The following MMP10 variants were observed in gnomAD, a reference collection of about 807,000 sequenced individuals.
MMP10 encodes matrix metallopeptidase 10, also known as stromelysin-2.
MMP10 carries 50 observed loss-of-function variants against 49.1 expected under a neutral mutation model. That is an observed-to-expected ratio of 1.02 (90% CI 0.81 to 1.29). MMP10 has a LOEUF of 1.29. MMP10 is among the 50% of genes most tolerant of loss of function. The pLI, the probability that MMP10 is intolerant of heterozygous loss-of-function variation, is 0.00. For missense variants in MMP10, 613 were observed against 563.8 expected, an observed-to-expected ratio of 1.09 and a Z score of -0.88; for synonymous variants, 229 against 201.6, an observed-to-expected ratio of 1.14 and a Z score of -1.15.
rs757844588 is a variant in MMP10, at chr11:102,775,369, T to C, written c.933-48A>G. Reference sequence around the variant, plus strand: ...CAATTGTCTTTCTCTTTTAGATATGTGAAAAAAAAATTCTTTTTTTTTAAA... The same window carrying C: ...CAATTGTCTTTCTCTTTTAGATATGCGAAAAAAAAATTCTTTTTTTTTAAA... On this transcript the variant is annotated intron_variant, in intron 6 of 9. Transcript: ENST00000279441. The C allele has an allele frequency of 6.0e-6, 9 of 1,499,114 alleles. No homozygotes were observed. The Admixed American group carries it at 1.8e-4, about 31-fold the overall frequency. The allele number at this position is 1,499,114 out of a possible 1,614,324, so 92.9% of individuals were successfully genotyped here. A position where few individuals can be genotyped will look rare whatever the true frequency, so the allele number is the denominator to read the frequency against.
chr11:102,777,811 A>T (rs1390320565), intron 4 of MMP10, among the ~76,000 whole-genome samples: 1 of 152,112 alleles, frequency 6.6e-6, no homozygotes, highest in Non-Finnish European at 1.5e-5. Context: ...CATGCAACAC[A>T]AACTTCAGTC....
chr11:102,772,182 G>T lies in MMP10; in HGVS notation c.1227-67C>A. Reference sequence around the variant, plus strand: ...GTCCCATTACACACAATAGTATAATGTGATGTTAATTTTCCAGTGTGGAAT... The same window carrying T: ...GTCCCATTACACACAATAGTATAATTTGATGTTAATTTTCCAGTGTGGAAT... On this transcript the variant is annotated intron_variant, in intron 8 of 9. Coordinates refer to ENST00000279441, the MANE Select transcript of MMP10 (RefSeq NM_002425.3). The surrounding 1 kb of genome is among the most constrained non-coding windows in gnomAD (Gnocchi z 4.4). 1 of 979,700 alleles carries T rather than the reference G, an allele frequency of 1.0e-6. No individual in the cohort carries two copies. The highest frequency in any genetic ancestry group is 1.5e-6 in the Non-Finnish European group (1 of 648,254). 60.7% of individuals were successfully genotyped at this position (979,700 alleles called of 1,614,324 possible).
At chr11:102,771,944 C>G (rs1485202231) in intron 9 of MMP10, 68 bp downstream of exon 9, 1 of 975,324 alleles carries the variant, frequency 1.0e-6, no homozygotes, top group Non-Finnish European at 1.6e-6. Context: ...TTTGATTCTG[C>G]ACTTTATTTT....
In MMP10 at chr11:102,779,329, T is replaced by G. The variant is rs202049265; in HGVS notation, c.380A>C (p.Asp127Ala). 1 of 1,614,134 alleles carries G rather than the reference T, an allele frequency of 6.2e-7. No individual in the cohort carries two copies. Among genetic ancestry groups the G allele is most frequent in the Admixed American group, 1.7e-5 (1 of 60,016 alleles). The change falls in exon 3 of 10, where the codon GAT becomes GCT. Residue 127 changes from aspartate to alanine, a missense_variant. Coordinates refer to ENST00000279441, the MANE Select transcript of MMP10 (RefSeq NM_002425.3). ...IVNYTPDLPRDAVDSAIEKAL... is the reference protein window; with the variant it reads ...IVNYTPDLPRAAVDSAIEKAL... The stretch of plus-strand genomic sequence containing the variant: ...TTTCTCAATGGCAGAATCAACAGCA[T>G]CTCTTGGCAAATCTGGTGTATAATT...
Position 102,779,461 on chromosome 11 carries a change from T to C in MMP10, c.347+43A>G, listed in dbSNP as rs181703993. ...ACTTATCCAAATATGACGAGTAACTTATAAGGTTTCAATATTATGTGAAAA... is the reference window on the plus strand; with the variant it reads ...ACTTATCCAAATATGACGAGTAACTCATAAGGTTTCAATATTATGTGAAAA... On this transcript the variant is annotated intron_variant, in intron 2 of 9. Coordinates refer to ENST00000279441, the MANE Select transcript of MMP10 (RefSeq NM_002425.3). 312 of 1,611,126 alleles carry C rather than the reference T, an allele frequency of 1.9e-4. 2 individuals are homozygous for C. The African/African-American group carries it at 3.5e-3, about 18-fold the overall frequency.
chr11:102,771,991 A>G (rs757089679), intron 9 of MMP10, 21 bp downstream of exon 9: 10 of 1,464,510 alleles, frequency 6.8e-6, no homozygotes, highest in Non-Finnish European at 9.5e-6. Context: ...CTGCATGACA[A>G]TGAAATAAGG....
At chr11:102,779,149 G>A (rs1857786816) in intron 3 of MMP10, 64 bp downstream of exon 3, 1 of 1,576,096 alleles carries the variant, frequency 6.3e-7, no homozygotes, top group Non-Finnish European at 8.6e-7. Context: ...CCAGTCTAAG[G>A]TAACTTGCTA....
At chr11:102,779,385 A>G in intron 2 of MMP10, 24 bp from the exon 3 acceptor site, 2 of 1,612,244 alleles carry the variant, frequency 1.2e-6, no homozygotes, top group Non-Finnish European at 8.5e-7. Context: ...ATTGAAGAGG[A>G]TGTTATTTTC....
chr11:102,770,512 G>T lies in MMP10; in HGVS notation c.*281C>A. The T allele has an allele frequency of 6.6e-6, 2 of 301,154 alleles. No individual in the cohort carries two copies. Among genetic ancestry groups the T allele is most frequent in the Admixed American group, 1.0e-4 (2 of 19,992 alleles). 18.7% of individuals were successfully genotyped at this position (301,154 alleles called of 1,614,324 possible). ...AATTGTTCTAGAAAGTAAGGAACAGGCCCAAAATAAAACTTTTTATTGAGG... is the reference window on the plus strand; with the variant it reads ...AATTGTTCTAGAAAGTAAGGAACAGTCCCAAAATAAAACTTTTTATTGAGG... On this transcript the variant is annotated 3_prime_UTR_variant, in exon 10 of 10. Coordinates refer to ENST00000279441, the MANE Select transcript of MMP10 (RefSeq NM_002425.3).
intron 7 of MMP10, among the ~76,000 whole-genome samples, chr11:102,774,878 T>C (rs1490109576): frequency 6.6e-6 from 1 of 152,200 alleles, no homozygotes; most frequent in East Asian, 1.9e-4. Flanking sequence ...GCCATATAAA[T>C]TGTAAAACTA....
At chr11:102,770,915 A>C (rs1861969740) in intron 9 of MMP10, 22 bp from the exon 10 acceptor site, 1 of 1,449,514 alleles carries the variant, frequency 6.9e-7, no homozygotes, top group East Asian at 2.3e-5. Context: ...GATAAGGAAA[A>C]TGATGAGACA....
chr11:102,771,561 A>T (rs1459001722), intron 9 of MMP10, among the ~76,000 whole-genome samples: 2 of 152,198 alleles, frequency 1.3e-5, no homozygotes, highest in Non-Finnish European at 2.9e-5. Context: ...TATTTTATTT[A>T]CAAATGACTA....
chr11:102,779,894 A>G, intron 1 of MMP10, 149 bp from the exon 2 acceptor site: 1 of 912,654 alleles, frequency 1.1e-6, no homozygotes, highest in Admixed American at 3.1e-5. Context: ...CCCATTTCAT[A>G]CAAATTTTTA....
At chr11:102,771,204 G>T (rs17861006) in intron 9 of MMP10, among the ~76,000 whole-genome samples, 2 of 152,106 alleles carry the variant, frequency 1.3e-5, no homozygotes, top group Non-Finnish European at 2.9e-5. Flanking sequence ...AAAACATTAC[G>T]TCATACTGGT....
intron 9 of MMP10, 53 bp from the exon 10 acceptor site, chr11:102,770,946 C>A (rs1205362294): frequency 4.2e-6 from 5 of 1,187,102 alleles, no homozygotes; most frequent in Non-Finnish European, 6.2e-6. Context: ...TGTCATTTTG[C>A]AACACATATA....
rs768515354 is a variant in MMP10 at position 102,779,227 on chromosome 11, G to T, written c.482C>A (p.Ser161Tyr). 1 of 1,613,196 alleles carries T rather than the reference G, an allele frequency of 6.2e-7. No homozygotes were observed. Among genetic ancestry groups the T allele is most frequent in the Admixed American group, 1.7e-5 (1 of 59,996 alleles). ...LYEGEADIMI[S>Y]FAVKEHGDFY... is the part of the protein sequence containing the mutation. ...TATTTGATTACCTTTAACTGCAAAA[G>T]AGATCATTATATCAGCCTCTCCTTC... The change falls in exon 3 of 10, where the codon TCT becomes TAT. Residue 161 changes from serine to tyrosine, a missense_variant. Transcript: ENST00000279441.
chr11:102,770,881 A>T lies in MMP10; in HGVS notation c.1343T>A (p.Phe448Tyr), dbSNP rs921028721. 1.9e-6 allele frequency: 3 copies of T among 1,609,994 alleles called. No homozygotes were observed. The highest frequency in any genetic ancestry group is 2.5e-6 in the Non-Finnish European group (3 of 1,177,244). The change falls in exon 10 of 10, where the codon TTC (phenylalanine) becomes TAC (tyrosine). Residue 448 changes from phenylalanine (F) to tyrosine (Y), a missense_variant. Transcript: ENST00000279441. ...AVLQAFGFFY[F>Y]FSGSSQFEFD... ...CTCAAACTGTGATGATCCACTGAAG[A>T]AGTAGAAAAATCCTGTAAATATAGA...
At chr11:102,775,103 T>C (rs1862008534) in intron 7 of MMP10, 85 bp downstream of exon 7, 1 of 1,071,348 alleles carries the variant, frequency 9.3e-7, no homozygotes, top group Non-Finnish European at 1.2e-6. Flanking sequence ...AATCTAAACT[T>C]TAATATAATG....
intron 5 of MMP10, 94 bp from the exon 6 acceptor site, chr11:102,776,518 G>A (rs2134350370): frequency 1.3e-6 from 2 of 1,575,968 alleles, no homozygotes; most frequent in Non-Finnish European, 1.7e-6. Flanking sequence ...AAGTGCTTCA[G>A]GCCAAATCAG....
Sources: allele counts gnomAD v4.1 joint callset (sites outside exome capture counted in the v4.1 genomes callset), GRCh38; gene constraint gnomAD v4.1.1; non-coding constraint Gnocchi (gnomAD v3.1); transcripts MANE v1.5; gene names NCBI Gene and HGNC (gene_info 2026-07-23, HGNC 2026-07-21).